Variants in ARHGAP35 observed in about 807,000 individuals in gnomAD.
The protein encoded by ARHGAP35 is Rho GTPase activating protein 35, also known as rho GTPase-activating protein 35.
ARHGAP35 carries 15 observed loss-of-function variants against 111.1 expected under a neutral mutation model. The observed-to-expected ratio is 0.13, with a 90% CI of 0.09 to 0.21. The LOEUF (loss-of-function observed/expected upper bound fraction) is 0.21. ARHGAP35 is among the 10% of genes least tolerant of loss of function. ARHGAP35 has a pLI of 1.00. For missense variants in ARHGAP35, 1,262 were observed against 1,873.0 expected (o/e 0.67, Z 6.02); for synonymous variants, 643 against 710.3 (o/e 0.91, Z 1.51).
At chr19:46,933,425 G>A (rs915507764) in intron 2 of ARHGAP35, among the ~76,000 whole-genome samples, 4 of 152,086 alleles carry the variant, frequency 2.6e-5, no homozygotes, top group African/African-American at 9.7e-5. Context: ...TGGAATTACA[G>A]GCATGAGCCA....
At chr19:46,902,486 G>C (rs980093770) in intron 1 of ARHGAP35, among the ~76,000 whole-genome samples, 1 of 152,202 alleles carries the variant, frequency 6.6e-6, no homozygotes, top group Non-Finnish European at 1.5e-5. Context: ...AAAGGGGTGT[G>C]AGAAGGCCAT....
intron 1 of ARHGAP35, among the ~76,000 whole-genome samples, chr19:46,905,832 G>A (rs1287205099): frequency 1.3e-5 from 2 of 152,036 alleles, no homozygotes; most frequent in East Asian, 1.9e-4. Context: ...GATTACAGGC[G>A]TGAGCCACTG....
intron 3 of ARHGAP35, among the ~76,000 whole-genome samples, chr19:46,937,885 T>C (rs2056319419): frequency 6.6e-6 from 1 of 152,256 alleles, no homozygotes; most frequent in Non-Finnish European, 1.5e-5. Flanking sequence ...ATAGGATTTT[T>C]TTCTGAGGTA....
chr19:46,891,362 G>A (rs1245948585), intron 1 of ARHGAP35, among the ~76,000 whole-genome samples: 1 of 151,998 alleles, frequency 6.6e-6, no homozygotes, highest in Non-Finnish European at 1.5e-5. Context: ...TTCCTAGTTA[G>A]AAACAGTGGC....
chr19:46,878,632 T>C (rs1049071288), intron 1 of ARHGAP35, among the ~76,000 whole-genome samples: 1 of 152,078 alleles, frequency 6.6e-6, no homozygotes, highest in Non-Finnish European at 1.5e-5. Flanking sequence ...ACAACTTCCT[T>C]TGTTTTTGTT....
rs1226122072 is a variant in ARHGAP35, at chr19:47,001,374, A to G, written c.*686A>G. ...ATTCCCTGGCAAACAAAGGAACACT[A>G]GGAGAAAAAATGGAAAAACCCTTCC... On this transcript the variant is annotated 3_prime_UTR_variant, in exon 7 of 7. Coordinates refer to ENST00000672722, the MANE Select transcript of ARHGAP35 (RefSeq NM_004491.5). This position sits in a 1 kb window ranked among gnomAD's most constrained non-coding sequence, Gnocchi z 5.4. The G allele has an allele frequency of 7.8e-7, 1 of 1,289,938 alleles. No individual in the cohort carries two copies. Among genetic ancestry groups the G allele is most frequent in the Non-Finnish European group, 1.0e-6 (1 of 988,940 alleles). 79.9% of individuals were successfully genotyped at this position (1,289,938 alleles called of 1,614,324 possible).
In ARHGAP35 at chr19:46,920,878, C is replaced by G; in HGVS notation, c.2203C>G (p.Pro735Ala). ...ASKLQCVFLD[P>A]ASAGIGYGRN... ...CAAACTTCAGTGTGTCTTTCTCGAC[C>G]CTGCTTCTGCTGGCATTGGTTACGG... Residue 735 changes from proline to alanine, a missense_variant, in exon 2 of 7, where the codon CCT becomes GCT. This residue lies in a region of ARHGAP35 where 579 missense variants were observed against 716.9 expected (regional missense o/e 0.81). Coordinates refer to ENST00000672722, the MANE Select transcript of ARHGAP35 (RefSeq NM_004491.5). This position sits in a 1 kb window ranked among gnomAD's most constrained non-coding sequence, Gnocchi z 7.0. 1.2e-6 allele frequency: 2 copies of G among 1,613,880 alleles called. No individual in the cohort carries two copies. The highest frequency in any genetic ancestry group is 1.3e-5 in the African/African-American group (1 of 75,024).
At chr19:46,932,678 A>G (rs1466348489) in intron 2 of ARHGAP35, among the ~76,000 whole-genome samples, 1 of 152,178 alleles carries the variant, frequency 6.6e-6, no homozygotes, top group Non-Finnish European at 1.5e-5. Context: ...AAGAGTTCCA[A>G]TTTTGTGACA....
At chr19:46,897,388 A>G (rs2056062986) in intron 1 of ARHGAP35, among the ~76,000 whole-genome samples, 1 of 151,328 alleles carries the variant, frequency 6.6e-6, no homozygotes, top group African/African-American at 2.4e-5. Context: ...GCAGTGATGA[A>G]GGGCCATAAG....
chr19:46,876,110 A>G (rs1198061286), intron 1 of ARHGAP35, among the ~76,000 whole-genome samples: 8 of 151,994 alleles, frequency 5.3e-5, no homozygotes, highest in African/African-American at 1.9e-4. Context: ...AGAATATAGT[A>G]GTGTTTACTC....
chr19:46,879,317 A>C (rs2055944663), intron 1 of ARHGAP35, among the ~76,000 whole-genome samples: 1 of 151,990 alleles, frequency 6.6e-6, no homozygotes, highest in South Asian at 2.1e-4. Flanking sequence ...GGCCAGGTGC[A>C]GTGGCTCACA....
chr19:46,863,389 C>A (rs1012106363), intron 1 of ARHGAP35, among the ~76,000 whole-genome samples: 3 of 152,268 alleles, frequency 2.0e-5, no homozygotes, highest in African/African-American at 7.2e-5. Flanking sequence ...TCCCCCATTT[C>A]CCCCACTTCC....
At chr19:46,878,858 G>GCTGA (rs1326978558) in intron 1 of ARHGAP35, among the ~76,000 whole-genome samples, 1 of 152,158 alleles carries the variant, frequency 6.6e-6, no homozygotes, top group Non-Finnish European at 1.5e-5. Flanking sequence ...CTGCCTTGAT[G>GCTGA]CTGATGGCTT....
intron 1 of ARHGAP35, among the ~76,000 whole-genome samples, chr19:46,913,045 T>G (rs1289216486): frequency 6.6e-6 from 1 of 151,968 alleles, no homozygotes; most frequent in Admixed American, 6.6e-5. Flanking sequence ...TAGTTCTGTA[T>G]GAAATTATTT....
At chr19:46,930,512 G>A (rs1041713232) in intron 2 of ARHGAP35, among the ~76,000 whole-genome samples, 1 of 146,902 alleles carries the variant, frequency 6.8e-6, no homozygotes, top group Admixed American at 6.9e-5. Flanking sequence ...CAACAGGCTG[G>A]GTTCTGTTTT....
intron 3 of ARHGAP35, among the ~76,000 whole-genome samples, chr19:46,965,141 C>T (rs1449430314): frequency 2.0e-5 from 3 of 152,188 alleles, no homozygotes; most frequent in East Asian, 1.9e-4. Flanking sequence ...GGTGAAACCC[C>T]GTCTCTACTA....
In ARHGAP35 at chr19:46,973,953, G is replaced by A. The variant is rs565625252; in HGVS notation, c.3827-14036G>A. Among the ~76,000 whole-genome samples the A allele has an allele frequency of 8.8e-5, 13 of 147,636 alleles. No individual in the cohort carries two copies. In the East Asian group the frequency reaches 1.0e-3, roughly 12 times the overall value. On this transcript the variant is annotated intron_variant, in intron 3 of 6. Coordinates refer to ENST00000672722, the MANE Select transcript of ARHGAP35 (RefSeq NM_004491.5). ...GGAGGCTGCAGTGAGCCAAGATTGC[G>A]CCACTGCACTCCAGCCTGGGTGACA...
intron 1 of ARHGAP35, among the ~76,000 whole-genome samples, chr19:46,878,778 T>G (rs1162664018): frequency 6.6e-6 from 1 of 152,140 alleles, no homozygotes; most frequent in Non-Finnish European, 1.5e-5. Context: ...AAAAATACTT[T>G]ATTACTTAAA....
chr19:46,867,927 C>T (rs1421800104), intron 1 of ARHGAP35, among the ~76,000 whole-genome samples: 5 of 152,104 alleles, frequency 3.3e-5, no homozygotes, highest in Non-Finnish European at 5.9e-5. Context: ...AGTGCAGTGG[C>T]GAGATCTCAG....
Sources: gnomAD v4.1 joint callset for allele counts (sites outside exome capture counted in the v4.1 genomes callset) on GRCh38, gnomAD v4.1.1 for gene constraint, gnomAD v4.1.1 regional missense constraint, Gnocchi (gnomAD v3.1) non-coding constraint, MANE v1.5 for transcripts, NCBI Gene and HGNC (gene_info 2026-07-23, HGNC 2026-07-21) for gene names.